The following IFFO2 variants were observed in gnomAD, a reference collection of about 807,000 sequenced individuals.
IFFO2 encodes intermediate filament family orphan 2.
Under a neutral mutation model 53.5 loss-of-function variants are expected in IFFO2, and 19 were observed. That is an observed-to-expected ratio of 0.36 (90% CI 0.25 to 0.52). IFFO2 has a LOEUF of 0.52. Ranked by LOEUF, IFFO2 falls within the 20% of genes least tolerant of loss-of-function variation. The pLI, the probability that IFFO2 is intolerant of heterozygous loss-of-function variation, is 0.94. For synonymous variants in IFFO2, 303 were observed against 313.6 expected (o/e 0.97, Z 0.36); for missense variants, 570 against 727.4 (o/e 0.78, Z 2.49).
At chr1:18,944,115 G>A (rs987324835) in intron 1 of IFFO2, among the ~76,000 whole-genome samples, 6 of 152,184 alleles carry the variant, frequency 3.9e-5, no homozygotes, top group Non-Finnish European at 8.8e-5. Context: ...GCTCTCCTTC[G>A]CTGGGCCTCA....
chr1:18,930,786 A>G (rs1481683158), intron 1 of IFFO2, among the ~76,000 whole-genome samples: 2 of 152,222 alleles, frequency 1.3e-5, no homozygotes, highest in Non-Finnish European at 2.9e-5. Context: ...CTGAGGTTTC[A>G]GTTGTTTTCT....
Position 18,955,712 on chromosome 1 carries a change from G to T in IFFO2, c.621C>A (p.Asn207Lys). The T allele has an allele frequency of 6.3e-7, 1 of 1,596,144 alleles. No homozygotes were observed. Among genetic ancestry groups the T allele is most frequent in the Non-Finnish European group, 8.5e-7 (1 of 1,174,160 alleles). The change falls in exon 1 of 9, where the codon AAC becomes AAA. Residue 207 changes from asparagine to lysine, a missense_variant. Physicochemically the swap from Asn to Lys is moderately conservative, Grantham distance 94 (BLOSUM62 0). Transcript: ENST00000455833. ...GCTCGCGCTTCACCTTGGCCAGCACGTTGTAGAGCGCGCGGATCTCCGGCG... is the reference window on the plus strand; with the variant it reads ...GCTCGCGCTTCACCTTGGCCAGCACTTTGTAGAGCGCGCGGATCTCCGGCG... Reference protein sequence around the residue: ...TITPEIRALYNVLAKVKRERD... With the variant: ...TITPEIRALYKVLAKVKRERD...
intron 1 of IFFO2, among the ~76,000 whole-genome samples, chr1:18,948,851 A>G (rs1348928952): frequency 6.6e-6 from 1 of 152,196 alleles, no homozygotes; most frequent in Non-Finnish European, 1.5e-5. Context: ...CTGTGAAATC[A>G]TTCTGAACTT....
At chr1:18,935,255 G>A (rs1299556811) in intron 1 of IFFO2, among the ~76,000 whole-genome samples, 1 of 152,210 alleles carries the variant, frequency 6.6e-6, no homozygotes, top group African/African-American at 2.4e-5. Flanking sequence ...TCCCCAAGGA[G>A]CAAGGGTTGG....
rs1006598085 is a variant in IFFO2 at position 18,919,521 on chromosome 1, T to TCC, written c.822+155_822+156dup. ...GGGGGCGGGAGGAGGGTGCCTGGTC[T>TCC]CCGATGCATCCAATGCATCCGTCAT... On this transcript the variant is annotated intron_variant, in intron 3 of 8. Coordinates refer to ENST00000455833, the MANE Select transcript of IFFO2 (RefSeq NM_001136265.2). The surrounding 1 kb of genome is among the most constrained non-coding windows in gnomAD (Gnocchi z 4.9). 1.3e-5 allele frequency among the ~76,000 whole-genome samples: 2 copies of TCC among 152,050 alleles called. No individual in the cohort carries two copies. The highest frequency in any genetic ancestry group is 4.8e-5 in the African/African-American group (2 of 41,390).
chr1:18,922,984 T>G (rs1339460148), intron 1 of IFFO2, among the ~76,000 whole-genome samples: 3 of 151,900 alleles, frequency 2.0e-5, no homozygotes, highest in South Asian at 4.2e-4. Flanking sequence ...GGGGCTTCTC[T>G]GGGGGGTAAA....
chr1:18,904,386 G>A lies in IFFO2; in HGVS notation c.*4175C>T, dbSNP rs773899815. On this transcript the variant is annotated 3_prime_UTR_variant, in exon 9 of 9. Transcript: ENST00000455833. ...AACAGGTTGGTTTCCGGTAGGATCA[G>A]TAGTCTTTCCATGAGTATAAATCCC... The A allele has an allele frequency of 2.6e-5, 4 of 152,232 alleles. No homozygotes were observed. Among genetic ancestry groups the A allele is most frequent in the Non-Finnish European group, 5.9e-5 (4 of 68,060 alleles). 9.4% of individuals were successfully genotyped at this position (152,232 alleles called of 1,614,324 possible). A position where few individuals can be genotyped will look rare whatever the true frequency, so the allele number is the denominator to read the frequency against.
chr1:18,929,095 A>G (rs1002951625), intron 1 of IFFO2, among the ~76,000 whole-genome samples: 2 of 152,234 alleles, frequency 1.3e-5, no homozygotes, highest in African/African-American at 4.8e-5. Flanking sequence ...TTAGAGAGTC[A>G]AAGGTTGTAG....
At position 18,910,187 on chromosome 1, in the gene IFFO2, C is replaced by CTGGATGGATGGATGGATGGA. The variant is rs60534604; in HGVS notation, c.1448+135_1448+154dup. Among the ~76,000 whole-genome samples the CTGGATGGATGGATGGATGGA allele has an allele frequency of 2.0e-4, 31 of 151,784 alleles. No homozygotes were observed. In the East Asian group the frequency reaches 2.5e-3, roughly 12 times the overall value. Reference sequence around the variant, plus strand: ...TGGCACATAGGTGTGCTAATAGTCACTGGATGGATGGATGGATGGATGGAT... The same window carrying CTGGATGGATGGATGGATGGA: ...TGGCACATAGGTGTGCTAATAGTCACTGGATGGATGGATGGATGGATGGATGGATGGATGGATGGATGGAT... On this transcript the variant is annotated intron_variant, in intron 8 of 8. Transcript: ENST00000455833.
rs1569838948 is a variant in IFFO2, at chr1:18,918,332, T to G, written c.963+30A>C. 6.5e-7 allele frequency: 1 copy of G among 1,537,924 alleles called. No individual in the cohort carries two copies. The highest frequency in any genetic ancestry group is 8.8e-7 in the Non-Finnish European group (1 of 1,136,328). ...AGGGCTGCTCTGGGAGAGTGGGGGG[T>G]TGGCTGGTGAGCAGGGCAGCCCTAG... On this transcript the variant is annotated intron_variant, in intron 4 of 8. Transcript: ENST00000455833. This position sits in a 1 kb window ranked among gnomAD's most constrained non-coding sequence, Gnocchi z 5.2.
At chr1:18,937,558 G>T (rs1009876048) in intron 1 of IFFO2, among the ~76,000 whole-genome samples, 1 of 152,192 alleles carries the variant, frequency 6.6e-6, no homozygotes, top group African/African-American at 2.4e-5. Flanking sequence ...GTCCCCTTAA[G>T]ATGAGACGGG....
Position 18,916,864 on chromosome 1 carries a change from C to T in IFFO2, c.1103+39G>A, listed in dbSNP as rs200890272. 21 of 1,547,424 alleles carry T rather than the reference C, an allele frequency of 1.4e-5. No homozygotes were observed. Among genetic ancestry groups the T allele is most frequent in the East Asian group, 2.4e-5 (1 of 40,862 alleles). ...ATTCACCGCCCCTGTGCAAGCAATC[C>T]GGGGAAACGGAGAGTGTGCGGGCCA... On this transcript the variant is annotated intron_variant, in intron 5 of 8. Coordinates refer to ENST00000455833, the MANE Select transcript of IFFO2 (RefSeq NM_001136265.2). This position sits in a 1 kb window ranked among gnomAD's most constrained non-coding sequence, Gnocchi z 4.3.
rs191187071 is a variant in IFFO2 at position 18,931,134 on chromosome 1, T to G, written c.666-10013A>C. Reference sequence around the variant, plus strand: ...TTGCAGTGAGCTAGGATCGGGCCACTGCACTCCATCCTGGGTGACAGAGTG... The same window carrying G: ...TTGCAGTGAGCTAGGATCGGGCCACGGCACTCCATCCTGGGTGACAGAGTG... On this transcript the variant is annotated intron_variant, in intron 1 of 8. Coordinates refer to ENST00000455833, the MANE Select transcript of IFFO2 (RefSeq NM_001136265.2). Among the ~76,000 whole-genome samples the G allele has an allele frequency of 1.3e-3, 193 of 152,246 alleles. 1 individual carries two copies. Among genetic ancestry groups the G allele is most frequent in the African/African-American group, 4.5e-3 (189 of 41,556 alleles).
At position 18,920,513 on chromosome 1, in the gene IFFO2, A is replaced by G. The variant is rs144198595; in HGVS notation, c.726+548T>C. On this transcript the variant is annotated intron_variant, in intron 2 of 8. Transcript: ENST00000455833. Reference sequence around the variant, plus strand: ...AGGAAAATAGAGGCTGAGAAGATGAAGTTTGCTGCCCAGGTTACACCGCAG... The same window carrying G: ...AGGAAAATAGAGGCTGAGAAGATGAGGTTTGCTGCCCAGGTTACACCGCAG... 3.6e-3 allele frequency among the ~76,000 whole-genome samples: 551 copies of G among 152,326 alleles called. 1 individual carries two copies. The highest frequency in any genetic ancestry group is 6.8e-3 in the Middle Eastern group (2 of 294).
At chr1:18,952,855 G>GTACCTCAATGAAGTTGT (rs1553159447) in intron 1 of IFFO2, among the ~76,000 whole-genome samples, 4 of 152,220 alleles carry the variant, frequency 2.6e-5, no homozygotes, top group Non-Finnish European at 5.9e-5. Context: ...TATGCAAGTT[G>GTACCTCAATGAAGTTGT]TACCTCAATG....
At chr1:18,926,701 C>T (rs1031499884) in intron 1 of IFFO2, among the ~76,000 whole-genome samples, 26 of 152,034 alleles carry the variant, frequency 1.7e-4, no homozygotes, top group African/African-American at 6.3e-4. Flanking sequence ...GTCCCCACCC[C>T]CACCCCACTC....
chr1:18,933,983 C>T (rs1936412316), intron 1 of IFFO2, among the ~76,000 whole-genome samples: 1 of 148,994 alleles, frequency 6.7e-6, no homozygotes, highest in African/African-American at 2.5e-5. Flanking sequence ...TCTGTGGATT[C>T]GACTTCTGGG....
chr1:18,951,589 G>A (rs951676648), intron 1 of IFFO2, among the ~76,000 whole-genome samples: 1 of 152,174 alleles, frequency 6.6e-6, no homozygotes, highest in Non-Finnish European at 1.5e-5. Context: ...CACTACTAGC[G>A]CCGGGCAACT....
intron 1 of IFFO2, among the ~76,000 whole-genome samples, chr1:18,934,607 A>G (rs1407600588): frequency 6.6e-6 from 1 of 152,238 alleles, no homozygotes; most frequent in Non-Finnish European, 1.5e-5. Flanking sequence ...AAAAACAGGT[A>G]AGCCAGATAA....
Sources: gnomAD v4.1 joint callset for allele counts (sites outside exome capture counted in the v4.1 genomes callset) on GRCh38, gnomAD v4.1.1 for gene constraint, Gnocchi (gnomAD v3.1) non-coding constraint, MANE v1.5 for transcripts, NCBI Gene and HGNC (gene_info 2026-07-23, HGNC 2026-07-21) for gene names.